The following TCF20 variants were observed in gnomAD, a reference collection of about 807,000 sequenced individuals.
The protein encoded by TCF20 is transcription factor 20.
In TCF20, 3 loss-of-function variants were observed where a neutral mutation model predicts 148.6. The observed-to-expected ratio is 0.02, with a 90% CI of 0.01 to 0.05. The LOEUF (loss-of-function observed/expected upper bound fraction) is 0.05, where lower values mean the gene tolerates loss of function less well. Among genes scored for constraint, TCF20 ranks in the 10% least tolerant of loss-of-function variants. The pLI, the probability that TCF20 is intolerant of heterozygous loss-of-function variation, is 1.00. For missense variants in TCF20, 2,350 were observed against 2,429.3 expected (o/e 0.97, Z 0.69); for synonymous variants, 1,049 against 909.5 (o/e 1.15, Z -2.76).
upstream of TCF20, among the ~76,000 whole-genome samples, chr22:42,288,413 G>GC (rs1449703282): frequency 6.6e-6 from 1 of 152,020 alleles, no homozygotes; most frequent in Non-Finnish European, 1.5e-5. Flanking sequence ...GCACATGCCT[G>GC]TAGTCCCAGC....
chr22:42,321,060 C>G (rs542184287), intron 1 of TCF20, among the ~76,000 whole-genome samples: 12 of 152,322 alleles, frequency 7.9e-5, no homozygotes, highest in African/African-American at 1.2e-4. Flanking sequence ...AGTCAGGCAA[C>G]GCAGACTTAC....
intron 1 of TCF20, among the ~76,000 whole-genome samples, chr22:42,265,311 C>A (rs776788651): frequency 6.6e-6 from 1 of 152,130 alleles, no homozygotes; most frequent in African/African-American, 2.4e-5. Context: ...ATACTGTATT[C>A]TTTTTCTTCT....
chr22:42,180,975 ATGTTTATCATGTGCCC>A (rs1181266145), intron 2 of TCF20, among the ~76,000 whole-genome samples: 3 of 152,314 alleles, frequency 2.0e-5, no homozygotes, highest in East Asian at 3.9e-4. Flanking sequence ...TAATCAGTAA[ATGTTTATCATGTGCCC>A]TCGCACCCTT....
intron 1 of TCF20, among the ~76,000 whole-genome samples, chr22:42,225,326 A>G (rs1313853531): frequency 6.6e-6 from 1 of 151,584 alleles, no homozygotes; most frequent in Admixed American, 6.6e-5. Context: ...AAAAATTACA[A>G]CCCTTAGGCC....
At position 42,212,893 on chromosome 22, in the gene TCF20, T is replaced by A. The variant is rs772770027; in HGVS notation, c.2413A>T (p.Asn805Tyr). ...TCTAATAGAGACCCAATGCTTTTGT[T>A]CAGAAGGCCCCTGCTAGCTAATTCA... ...TNELASRGLL[N>Y]KSIGSLLENP... The change falls in exon 2 of 6, where the codon AAC becomes TAC. Residue 805 changes from asparagine to tyrosine, a missense_variant. Asn to Tyr is a moderately radical substitution (Grantham distance 143). Transcript: ENST00000677622. 6.2e-7 allele frequency: 1 copy of A among 1,614,154 alleles called. No homozygotes were observed. Among genetic ancestry groups the A allele is most frequent in the East Asian group, 2.2e-5 (1 of 44,878 alleles).
chr22:42,166,416 T>C (rs1935790679), intron 5 of TCF20, among the ~76,000 whole-genome samples: 1 of 152,188 alleles, frequency 6.6e-6, no homozygotes, highest in South Asian at 2.1e-4. Flanking sequence ...AAGGCCAGCC[T>C]GGGCAACATG....
At chr22:42,336,694 G>T (rs1006923881) in intron 1 of TCF20, among the ~76,000 whole-genome samples, 1 of 152,072 alleles carries the variant, frequency 6.6e-6, no homozygotes, top group Non-Finnish European at 1.5e-5. Context: ...CCATACTCCA[G>T]CCACAATGGC....
intron 1 of TCF20, among the ~76,000 whole-genome samples, chr22:42,221,740 T>TTTTTTTTTTG (rs778905855): frequency 1.5e-4 from 4 of 25,970 alleles, no homozygotes; most frequent in Non-Finnish European, 2.3e-4. Context: ...TGGCAAAGGG[T>TTTTTTTTTTG]TTTTTTTTTT....
At chr22:42,204,305 G>GC (rs1938240045) in intron 2 of TCF20, among the ~76,000 whole-genome samples, 1 of 152,128 alleles carries the variant, frequency 6.6e-6, no homozygotes, top group African/African-American at 2.4e-5. Context: ...GGCCAGCTTG[G>GC]CCAACATCCT....
chr22:42,168,885 G>A, intron 4 of TCF20, 149 bp from the exon 5 acceptor site: 1 of 1,135,064 alleles, frequency 8.8e-7, no homozygotes, highest in Non-Finnish European at 1.2e-6. Flanking sequence ...CATTCAGACA[G>A]GGTTTTCTGA....
At chr22:42,264,384 A>T (rs917009498) in intron 1 of TCF20, among the ~76,000 whole-genome samples, 2 of 152,110 alleles carry the variant, frequency 1.3e-5, no homozygotes, top group African/African-American at 4.8e-5. Context: ...TTTTATCAGG[A>T]TGATTTTTTA....
At chr22:42,167,300 T>C (rs1158801808) in intron 5 of TCF20, among the ~76,000 whole-genome samples, 1 of 152,102 alleles carries the variant, frequency 6.6e-6, no homozygotes, top group Non-Finnish European at 1.5e-5. Context: ...AGGGGCCTTC[T>C]CCGGAAATTA....
At chr22:42,341,575 A>C (rs953666864) in intron 1 of TCF20, among the ~76,000 whole-genome samples, 2 of 152,106 alleles carry the variant, frequency 1.3e-5, no homozygotes, top group Non-Finnish European at 2.9e-5. Context: ...CCCCCAAGGA[A>C]GCAGGAGGCT....
chr22:42,245,441 A>C (rs978325599), intron 1 of TCF20, among the ~76,000 whole-genome samples: 1 of 152,166 alleles, frequency 6.6e-6, no homozygotes, highest in African/African-American at 2.4e-5. Context: ...GTGGAAGAAC[A>C]AGATGCTATC....
chr22:42,322,696 GAGTGTCTGAGGGAATGAATA>G (rs1927755071), intron 1 of TCF20, among the ~76,000 whole-genome samples: 1 of 151,772 alleles, frequency 6.6e-6, no homozygotes. Context: ...GGGAATGAAT[GAGTGTCTGAGGGAATGAATA>G]AGTGTCTGAG....
intron 2 of TCF20, among the ~76,000 whole-genome samples, chr22:42,208,799 A>C (rs1938567578): frequency 1.3e-5 from 2 of 152,304 alleles, no homozygotes; most frequent in South Asian, 4.1e-4. Context: ...AAATAGAGGG[A>C]AGGAAATTTT....
At chr22:42,224,982 T>C (rs977970431) in intron 1 of TCF20, among the ~76,000 whole-genome samples, 8 of 150,694 alleles carry the variant, frequency 5.3e-5, no homozygotes, top group African/African-American at 2.0e-4. Context: ...ACATTAATTT[T>C]TGTGTAGGAA....
In TCF20 at chr22:42,226,807, T is replaced by C. The variant is rs190870750; in HGVS notation, c.-36-11466A>G. 4.2e-3 allele frequency among the ~76,000 whole-genome samples: 634 copies of C among 152,236 alleles called. 5 individuals carry two copies. Among genetic ancestry groups the C allele is most frequent in the African/African-American group, 0.015 (613 of 41,538 alleles). ...AAAGCAGAAGTGGGCAAAAGCTATA[T>C]GAAAATTAGAGACTTCACTGAACAA... On this transcript the variant is annotated intron_variant, in intron 1 of 5. Transcript: ENST00000677622.
chr22:42,180,656 C>T (rs747551926), intron 2 of TCF20, among the ~76,000 whole-genome samples: 21 of 152,144 alleles, frequency 1.4e-4, no homozygotes, highest in Non-Finnish European at 2.4e-4. Flanking sequence ...CTCAGGCCCC[C>T]GACACAGATA....
Sources: allele counts gnomAD v4.1 joint callset (sites outside exome capture counted in the v4.1 genomes callset), GRCh38; gene constraint gnomAD v4.1.1; transcripts MANE v1.5; gene names NCBI Gene and HGNC (gene_info 2026-07-23, HGNC 2026-07-21).